The following ZNF106 variants were observed in gnomAD, a reference collection of about 807,000 sequenced individuals.
ZNF106 encodes the protein SH3-domain binding protein 3.
In ZNF106, 67 loss-of-function variants were observed where a neutral mutation model predicts 195.1. The observed-to-expected ratio is 0.34, with a 90% CI of 0.28 to 0.42. The LOEUF (loss-of-function observed/expected upper bound fraction) is 0.42. Among genes scored for constraint, ZNF106 ranks in the 10% least tolerant of loss-of-function variants. The pLI, the probability that ZNF106 is intolerant of heterozygous loss-of-function variation, is 1.00. For missense variants in ZNF106, 2,118 were observed against 2,304.5 expected (o/e 0.92, Z 1.66); for synonymous variants, 784 against 818.6 (o/e 0.96, Z 0.72).
intron 1 of ZNF106, among the ~76,000 whole-genome samples, chr15:42,485,083 AGGTTGCAGT>A (rs1250155031): frequency 1.3e-5 from 2 of 152,104 alleles, no homozygotes; most frequent in East Asian, 3.9e-4. Flanking sequence ...CAGGAGGCAG[AGGTTGCAGT>A]GAGCCAAGAC....
chr15:42,475,234 C>T lies in ZNF106; in HGVS notation c.-32-2913G>A, dbSNP rs541295280. 4.6e-5 allele frequency among the ~76,000 whole-genome samples: 7 copies of T among 152,226 alleles called. No individual in the cohort carries two copies. In the South Asian group the frequency reaches 1.0e-3, roughly 23 times the overall value. On this transcript the variant is annotated intron_variant, in intron 1 of 21. Transcript: ENST00000564754. ...TTGGGAGGCCGAGGTGGGTGGATAACTTGAGGTCAGGAGTTCAAGACCAGC... is the reference window on the plus strand; with the variant it reads ...TTGGGAGGCCGAGGTGGGTGGATAATTTGAGGTCAGGAGTTCAAGACCAGC...
In ZNF106 at chr15:42,415,739, GT is replaced by G. The variant is rs577185237; in HGVS notation, c.*1564del. On this transcript the variant is annotated 3_prime_UTR_variant, in exon 22 of 22. Coordinates refer to ENST00000564754, the MANE Select transcript of ZNF106 (RefSeq NM_001366845.3). Reference sequence around the variant, plus strand: ...AATTTTATCTCTCTGAAGAAGCTGAGTTTTTTTTTTTTTTTTTGAGACGGAG... The same window carrying G: ...AATTTTATCTCTCTGAAGAAGCTGAGTTTTTTTTTTTTTTTTGAGACGGAG... 723 of 149,982 alleles carry G rather than the reference GT, an allele frequency of 4.8e-3. No individual in the cohort carries two copies. The highest frequency in any genetic ancestry group is 0.014 in the South Asian group (94 of 6,484). The allele number at this position is 149,982 out of a possible 1,614,324, so 9.3% of individuals were successfully genotyped here.
intron 4 of ZNF106, among the ~76,000 whole-genome samples, chr15:42,453,329 A>G (rs575086960): frequency 1.9e-4 from 29 of 152,348 alleles, no homozygotes; most frequent in African/African-American, 6.7e-4. Flanking sequence ...TTTTAAAAAG[A>G]AACTACAGCT....
chr15:42,467,937 C>T (rs2056559928), intron 2 of ZNF106, among the ~76,000 whole-genome samples: 1 of 152,198 alleles, frequency 6.6e-6, no homozygotes, highest in African/African-American at 2.4e-5. Flanking sequence ...CACCATGTCA[C>T]ACTGTAAGCA....
At chr15:42,455,658 G>C (rs2056201656) in intron 4 of ZNF106, among the ~76,000 whole-genome samples, 1 of 152,120 alleles carries the variant, frequency 6.6e-6, no homozygotes, top group Admixed American at 6.6e-5. Context: ...CAGGACAATA[G>C]GCCTGAGCCA....
At chr15:42,476,259 C>T (rs1179151216) in intron 1 of ZNF106, among the ~76,000 whole-genome samples, 1 of 152,138 alleles carries the variant, frequency 6.6e-6, no homozygotes, top group Non-Finnish European at 1.5e-5. Flanking sequence ...TTTATATATT[C>T]TTAAATTGGG....
At chr15:42,457,608 CAA>C (rs1425664070) in intron 3 of ZNF106, 2 of 921,202 alleles carry the variant, frequency 2.2e-6, no homozygotes, top group East Asian at 2.1e-4. Context: ...GGGGTGGAAA[CAA>C]GAGTAGGTGG....
chr15:42,487,112 C>T (rs916286545), intron 1 of ZNF106, among the ~76,000 whole-genome samples: 2 of 151,630 alleles, frequency 1.3e-5, no homozygotes, highest in African/African-American at 2.4e-5. Flanking sequence ...ATCGTGCCAT[C>T]GCACTCCAGC....
In ZNF106 at chr15:42,439,849, TTG is replaced by T. The variant is rs781021250; in HGVS notation, c.3764-38_3764-37del. 3 of 1,491,642 alleles carry T rather than the reference TTG, an allele frequency of 2.0e-6. No individual in the cohort carries two copies. In the South Asian group the frequency reaches 4.2e-5, roughly 21 times the overall value. The allele number at this position is 1,491,642 out of a possible 1,614,324, so 92.4% of individuals were successfully genotyped here. ...AGGAAAAAAATTATTGCATCCTTTT[TTG>T]TGTTTGCTGCAATTTATCACTGACT... is the stretch of plus-strand genomic sequence containing the variant. On this transcript the variant is annotated intron_variant, in intron 10 of 21. Coordinates refer to ENST00000564754, the MANE Select transcript of ZNF106 (RefSeq NM_001366845.3).
intron 3 of ZNF106, among the ~76,000 whole-genome samples, chr15:42,458,103 C>T (rs1223361655): frequency 6.6e-6 from 1 of 152,058 alleles, no homozygotes; most frequent in Admixed American, 6.6e-5. Context: ...AGTTACAAGA[C>T]AGCAGTATCC....
chr15:42,474,712 C>T (rs1171922293), intron 1 of ZNF106, among the ~76,000 whole-genome samples: 1 of 152,040 alleles, frequency 6.6e-6, no homozygotes, highest in Non-Finnish European at 1.5e-5. Flanking sequence ...GATTGTGCCA[C>T]TGTACTTCCA....
intron 1 of ZNF106, among the ~76,000 whole-genome samples, chr15:42,472,647 T>G (rs1489148476): frequency 6.6e-6 from 1 of 152,180 alleles, no homozygotes; most frequent in Non-Finnish European, 1.5e-5. Flanking sequence ...GCTCTTGTCC[T>G]CTCACAGCTG....
intron 7 of ZNF106, 56 bp from the exon 8 acceptor site, chr15:42,445,037 A>T (rs1595461584): frequency 1.9e-6 from 3 of 1,600,012 alleles, no homozygotes; most frequent in East Asian, 4.5e-5. Flanking sequence ...CTCTCATCAC[A>T]CAGCTCAGAA....
At chr15:42,459,644 C>A (rs2056338299) in intron 3 of ZNF106, among the ~76,000 whole-genome samples, 1 of 152,164 alleles carries the variant, frequency 6.6e-6, no homozygotes, top group South Asian at 2.1e-4. Flanking sequence ...TTATATAAAT[C>A]TATCACAATG....
chr15:42,430,701 G>A (rs1276408918), intron 14 of ZNF106, among the ~76,000 whole-genome samples: 2 of 152,050 alleles, frequency 1.3e-5, no homozygotes, highest in Admixed American at 6.5e-5. Context: ...ATTTAAAGGT[G>A]TAAGCCCCTT....
In ZNF106 at chr15:42,422,639, AAG is replaced by A. The variant is rs1467750960; in HGVS notation, c.5254-21_5254-20del. On this transcript the variant is annotated intron_variant, in intron 17 of 21. Transcript: ENST00000564754. ...CACCAGTCTATGTCAGAAGAGAAGT[AAG>A]AGTCACCAGACTGACTTTCGAGACT... is the stretch of plus-strand genomic sequence containing the variant. 3.1e-6 allele frequency: 5 copies of A among 1,589,576 alleles called. No homozygotes were observed. Among genetic ancestry groups the A allele is most frequent in the Non-Finnish European group, 4.3e-6 (5 of 1,170,550 alleles).
intron 13 of ZNF106, 147 bp from the exon 14 acceptor site, chr15:42,435,665 G>GTAAA (rs1365529007): frequency 4.5e-5 from 42 of 925,726 alleles, no homozygotes; most frequent in Middle Eastern, 3.0e-4. Context: ...AAGATGCTCA[G>GTAAA]TAAATGTATG....
intron 3 of ZNF106, 102 bp from the exon 4 acceptor site, chr15:42,457,260 C>T: frequency 1.3e-6 from 2 of 1,562,396 alleles, no homozygotes; most frequent in Non-Finnish European, 1.7e-6. Context: ...CACACTTTGG[C>T]ACAGTGAAAA....
chr15:42,446,640 G>A lies in ZNF106; in HGVS notation c.3154C>T (p.Leu1052Phe). The stretch of plus-strand genomic sequence containing the variant: ...TTATTTTTTCTCTCAAGACTTGGGA[G>A]TTCAGGAGAAGATCCATCCTGGAAG... ...RATGDGSSPE[L>F]PSLERKNKRR... The change falls in exon 7 of 22, where the codon CTC (leucine) becomes TTC (phenylalanine). Residue 1052 changes from leucine (L) to phenylalanine (F), a missense_variant. By Grantham distance (22) the Leu-to-Phe change is conservative. Transcript: ENST00000564754. 1.2e-6 allele frequency: 2 copies of A among 1,605,582 alleles called. No homozygotes were observed. The highest frequency in any genetic ancestry group is 1.7e-6 in the Non-Finnish European group (2 of 1,174,662).
Sources: allele counts gnomAD v4.1 joint callset (sites outside exome capture counted in the v4.1 genomes callset), GRCh38; gene constraint gnomAD v4.1.1; transcripts MANE v1.5; gene names NCBI Gene and HGNC (gene_info 2026-07-23, HGNC 2026-07-21).